Variants in CEP85L observed in about 807,000 individuals in gnomAD.
CEP85L encodes centrosomal protein of 85 kDa-like.
CEP85L carries 60 observed loss-of-function variants against 100.3 expected under a neutral mutation model. That is an observed-to-expected ratio of 0.60 (90% CI 0.49 to 0.74). The LOEUF is 0.74. Ranked by LOEUF, CEP85L falls within the 30% of genes least tolerant of loss-of-function variation. The pLI is 0.00. For synonymous variants in CEP85L, 319 were observed against 322.7 expected (o/e 0.99, Z 0.12); for missense variants, 973 against 936.2 (o/e 1.04, Z -0.51).
intron 2 of CEP85L, among the ~76,000 whole-genome samples, chr6:118,628,489 TA>T (rs1773942203): frequency 6.6e-6 from 1 of 151,392 alleles, no homozygotes; most frequent in Admixed American, 6.6e-5. Context: ...CAGAAACTCT[TA>T]AAACTGAAAA....
At chr6:118,684,638 G>A (rs984702435) in intron 1 of CEP85L, among the ~76,000 whole-genome samples, 8 of 152,112 alleles carry the variant, frequency 5.3e-5, no homozygotes, top group East Asian at 3.9e-4. Context: ...TTTTTTCACC[G>A]CTCCTGATGG....
At chr6:118,688,919 C>G (rs1776936747) in intron 1 of CEP85L, among the ~76,000 whole-genome samples, 1 of 152,232 alleles carries the variant, frequency 6.6e-6, no homozygotes, top group South Asian at 2.1e-4. Context: ...TGTTTATGTT[C>G]CCCAGTGCAA....
At chr6:118,660,423 G>C (rs529048710) in intron 1 of CEP85L, among the ~76,000 whole-genome samples, 5 of 152,330 alleles carry the variant, frequency 3.3e-5, no homozygotes, top group Admixed American at 1.3e-4. Context: ...GGAGCTGGGG[G>C]AGTTGGCAGA....
chr6:118,545,704 T>C (rs901082785), intron 3 of CEP85L, among the ~76,000 whole-genome samples: 3 of 152,164 alleles, frequency 2.0e-5, no homozygotes, highest in Non-Finnish European at 4.4e-5. Flanking sequence ...ATACTAAATT[T>C]CATTTAGAGC....
At chr6:118,492,889 CT>C (rs1323600853) in intron 5 of CEP85L, among the ~76,000 whole-genome samples, 2 of 152,144 alleles carry the variant, frequency 1.3e-5, no homozygotes, top group Non-Finnish European at 2.9e-5. Context: ...AGAACTGATA[CT>C]TTCCCAAAAG....
At position 118,481,803 on chromosome 6, in the gene CEP85L, T is replaced by C; in HGVS notation, c.1721A>G (p.Lys574Arg). 6.3e-7 allele frequency: 1 copy of C among 1,587,980 alleles called. No individual in the cohort carries two copies. Among genetic ancestry groups the C allele is most frequent in the Non-Finnish European group, 8.6e-7 (1 of 1,168,398 alleles). The stretch of plus-strand genomic sequence containing the variant: ...CCTCTGAACGGTAGTTACTAACTCC[T>C]TTTCTTTCTTTTTCTGGCATATTAA... ...TQLICQKKKE[K>R]ELVTTVQSLQ... The change falls in exon 8 of 13, where the codon AAG (lysine) becomes AGG (arginine). Residue 574 changes from lysine (K) to arginine (R), a missense_variant. Lys to Arg is a conservative substitution (Grantham distance 26). Coordinates refer to ENST00000368491, the MANE Select transcript of CEP85L (RefSeq NM_001042475.3).
At chr6:118,513,910 ATTGT>A (rs530739536) in intron 4 of CEP85L, among the ~76,000 whole-genome samples, 2 of 152,144 alleles carry the variant, frequency 1.3e-5, no homozygotes, top group South Asian at 2.1e-4. Context: ...AAGATCATAA[ATTGT>A]TTGAGGCAAA....
intron 2 of CEP85L, among the ~76,000 whole-genome samples, chr6:118,600,620 C>A (rs539562385): frequency 1.3e-5 from 2 of 151,444 alleles, no homozygotes; most frequent in African/African-American, 4.9e-5. Context: ...CCACACCCAG[C>A]CCTGGGGTTT....
chr6:118,476,106 G>A (rs956403415), intron 10 of CEP85L, among the ~76,000 whole-genome samples: 4 of 152,204 alleles, frequency 2.6e-5, no homozygotes. Context: ...CATGATTCAA[G>A]TGAGCTGTCT....
intron 1 of CEP85L, among the ~76,000 whole-genome samples, chr6:118,638,254 C>T (rs1343593992): frequency 6.6e-6 from 1 of 151,836 alleles, no homozygotes; most frequent in African/African-American, 2.4e-5. Context: ...TGATCTCCTC[C>T]CACCTGAACT....
intron 2 of CEP85L, among the ~76,000 whole-genome samples, chr6:118,568,075 A>T (rs969281097): frequency 1.3e-5 from 2 of 152,210 alleles, no homozygotes; most frequent in African/African-American, 4.8e-5. Flanking sequence ...TTTGGAAGTA[A>T]GTCACATGAT....
rs539304778 is a variant in CEP85L, at chr6:118,501,561, T to C, written c.1258-9696A>G. ...GATCTCAGCAACATGAAAGAAGAGA[T>C]CAAGAACAGTGAAGAACTAACGGAT... On this transcript the variant is annotated intron_variant, in intron 5 of 12. Transcript: ENST00000368491. The C allele has an allele frequency of 2.9e-5, 15 of 522,376 alleles. 3 individuals are homozygous for C. Among genetic ancestry groups the C allele is most frequent in the African/African-American group, 7.8e-5 (4 of 51,458 alleles). The allele number at this position is 522,376 out of a possible 1,614,324, so 32.4% of individuals were successfully genotyped here. A position where few individuals can be genotyped will look rare whatever the true frequency, so the allele number is the denominator to read the frequency against.
chr6:118,660,885 C>CTTTTTTTTTT (rs57604070), intron 1 of CEP85L, among the ~76,000 whole-genome samples: 1 of 149,600 alleles, frequency 6.7e-6, no homozygotes. Flanking sequence ...TTCTTTTTTT[C>CTTTTTTTTTT]TTTTTTTTTT....
In CEP85L at chr6:118,537,886, C is replaced by T. The variant is rs138564579; in HGVS notation, c.1021-13966G>A. 3.0e-5 allele frequency: 30 copies of T among 985,194 alleles called. No homozygotes were observed. In the African/African-American group the frequency reaches 4.5e-4, roughly 15 times the overall value. The allele number at this position is 985,194 out of a possible 1,614,324, so 61.0% of individuals were successfully genotyped here. The stretch of plus-strand genomic sequence containing the variant: ...AACACAGTAAATCTTCCTCTGTTTC[C>T]TGGAATAGTCTATCTGAAGAGATAC... On this transcript the variant is annotated intron_variant, in intron 3 of 12. Coordinates refer to ENST00000368491, the MANE Select transcript of CEP85L (RefSeq NM_001042475.3).
chr6:118,597,052 AT>A (rs11408707), intron 2 of CEP85L, among the ~76,000 whole-genome samples: 5 of 151,492 alleles, frequency 3.3e-5, no homozygotes, highest in East Asian at 3.9e-4. Flanking sequence ...TCATAAGGAA[AT>A]TTTTTTCCCC....
At position 118,465,274 on chromosome 6, in the gene CEP85L, C is replaced by T. The variant is rs928372671; in HGVS notation, c.*131G>A. On this transcript the variant is annotated 3_prime_UTR_variant, in exon 13 of 13. Coordinates refer to ENST00000368491, the MANE Select transcript of CEP85L (RefSeq NM_001042475.3). ...AAAATCTCTTCACTTCCCTTCTCCC[C>T]TTCAACAAAACAAATCCACAGAAAA... The T allele has an allele frequency of 8.9e-6, 7 of 782,230 alleles. No homozygotes were observed. In the African/African-American group the frequency reaches 1.1e-4, roughly 12 times the overall value. The allele number at this position is 782,230 out of a possible 1,614,324, so 48.5% of individuals were successfully genotyped here. A position where few individuals can be genotyped will look rare whatever the true frequency, so the allele number is the denominator to read the frequency against.
At chr6:118,671,564 A>G (rs550829509) in intron 1 of CEP85L, among the ~76,000 whole-genome samples, 1 of 152,192 alleles carries the variant, frequency 6.6e-6, no homozygotes, top group Non-Finnish European at 1.5e-5. Flanking sequence ...GCGTTTCTCT[A>G]TTCTGAAATA....
At chr6:118,477,638 T>G (rs1773483681) in intron 10 of CEP85L, among the ~76,000 whole-genome samples, 1 of 152,100 alleles carries the variant, frequency 6.6e-6, no homozygotes, top group Non-Finnish European at 1.5e-5. Context: ...TCAAGACAAG[T>G]GAACTTCAAA....
chr6:118,689,717 T>A (rs1179796635), intron 1 of CEP85L, among the ~76,000 whole-genome samples: 2 of 152,218 alleles, frequency 1.3e-5, no homozygotes, highest in African/African-American at 4.8e-5. Flanking sequence ...TTTGTTTTGG[T>A]TTGAAGCCTC....
Sources: gnomAD v4.1 joint callset for allele counts (sites outside exome capture counted in the v4.1 genomes callset) on GRCh38, gnomAD v4.1.1 for gene constraint, MANE v1.5 for transcripts, NCBI Gene and HGNC (gene_info 2026-07-23, HGNC 2026-07-21) for gene names.